SGCZ: variants seen among roughly 807,000 people sequenced by gnomAD.
SGCZ encodes sarcoglycan zeta, also known as zeta-sarcoglycan.
A neutral mutation model predicts 41.3 loss-of-function variants in SGCZ; 40 were observed. The ratio of observed to expected loss-of-function variants is 0.97; its 90% confidence interval spans 0.75 to 1.26. The LOEUF is 1.26. SGCZ is among the 50% of genes most tolerant of loss of function. The pLI, the probability that SGCZ is intolerant of heterozygous loss-of-function variation, is 0.00. For missense variants in SGCZ, 552 were observed against 369.8 expected, an observed-to-expected ratio of 1.49 and a Z score of -4.04; for synonymous variants, 206 against 137.5, an observed-to-expected ratio of 1.50 and a Z score of -3.49.
chr8:14,545,159 G>A (rs1803586337), intron 2 of SGCZ, among the ~76,000 whole-genome samples: 1 of 151,768 alleles, frequency 6.6e-6, no homozygotes, highest in Admixed American at 6.6e-5. Context: ...AAATATTGGG[G>A]GCATGTCCCC....
chr8:14,688,412 T>C (rs543841042), intron 1 of SGCZ, among the ~76,000 whole-genome samples: 14 of 152,300 alleles, frequency 9.2e-5, no homozygotes, highest in African/African-American at 3.1e-4. Context: ...TTTCTACCTA[T>C]GGCTAGCCAG....
chr8:14,908,349 G>C (rs866519948), intron 1 of SGCZ, among the ~76,000 whole-genome samples: 31 of 152,168 alleles, frequency 2.0e-4, no homozygotes, highest in African/African-American at 7.0e-4. Context: ...AGTGGCCATT[G>C]TATAGCAGAC....
intron 1 of SGCZ, among the ~76,000 whole-genome samples, chr8:15,135,778 G>A (rs549917383): frequency 1.3e-5 from 2 of 152,212 alleles, no homozygotes; most frequent in East Asian, 3.9e-4. Context: ...ATTCGAGGGT[G>A]AGCTGGTGGG....
intron 1 of SGCZ, among the ~76,000 whole-genome samples, chr8:15,151,692 C>T (rs1799184136): frequency 6.6e-6 from 1 of 152,160 alleles, no homozygotes; most frequent in South Asian, 2.1e-4. Flanking sequence ...TATATAATGA[C>T]ACAGTTAATA....
At chr8:14,794,614 T>A (rs1384009511) in intron 1 of SGCZ, among the ~76,000 whole-genome samples, 1 of 152,120 alleles carries the variant, frequency 6.6e-6, no homozygotes. Flanking sequence ...AGAAAGAAGT[T>A]AGAAAATAAA....
At chr8:14,901,824 C>T (rs188661771) in intron 1 of SGCZ, among the ~76,000 whole-genome samples, 3 of 152,170 alleles carry the variant, frequency 2.0e-5, no homozygotes, top group East Asian at 1.9e-4. Context: ...GGAAATGTCA[C>T]GCTAATGTAA....
intron 2 of SGCZ, among the ~76,000 whole-genome samples, chr8:14,515,956 G>C (rs1802607857): frequency 6.6e-6 from 1 of 151,870 alleles, no homozygotes; most frequent in Non-Finnish European, 1.5e-5. Context: ...GCAATACCTT[G>C]TTGGAAATAA....
intron 2 of SGCZ, among the ~76,000 whole-genome samples, chr8:14,368,737 T>C (rs1326407760): frequency 6.6e-6 from 1 of 152,036 alleles, no homozygotes; most frequent in Non-Finnish European, 1.5e-5. Flanking sequence ...TTTGTTTCTG[T>C]CTTCTGAGCA....
intron 1 of SGCZ, among the ~76,000 whole-genome samples, chr8:14,597,212 G>A (rs1033062748): frequency 2.0e-5 from 3 of 152,278 alleles, no homozygotes; most frequent in Non-Finnish European, 4.4e-5. Context: ...TGAAGCAGCT[G>A]CTAGTTTATT....
chr8:14,479,756 T>G (rs1217384623), intron 2 of SGCZ, among the ~76,000 whole-genome samples: 1 of 88,968 alleles, frequency 1.1e-5, no homozygotes, highest in East Asian at 2.9e-4. Flanking sequence ...TTTTTTTTTT[T>G]TTTTTATTTG....
chr8:14,187,843 G>A (rs1278789084), intron 4 of SGCZ, among the ~76,000 whole-genome samples: 1 of 151,948 alleles, frequency 6.6e-6, no homozygotes, highest in African/African-American at 2.4e-5. Context: ...AAAACTCAGA[G>A]AAATTCAAAT....
At chr8:14,525,169 TAGA>T (rs1481167551) in intron 2 of SGCZ, among the ~76,000 whole-genome samples, 2 of 112,390 alleles carry the variant, frequency 1.8e-5, no homozygotes, top group Non-Finnish European at 3.3e-5. Context: ...GATAGATAGA[TAGA>T]TAGATAGATA....
At chr8:14,983,183 T>C (rs1801724688) in intron 1 of SGCZ, among the ~76,000 whole-genome samples, 1 of 67,802 alleles carries the variant, frequency 1.5e-5, no homozygotes, top group East Asian at 5.8e-4. Context: ...CCTTTTTTTT[T>C]TCTTTTTTCT....
chr8:14,125,712 T>C (rs1802833329), intron 5 of SGCZ, among the ~76,000 whole-genome samples: 1 of 152,100 alleles, frequency 6.6e-6, no homozygotes. Flanking sequence ...GGCATCACAC[T>C]ACCTGATTCC....
intron 3 of SGCZ, among the ~76,000 whole-genome samples, chr8:14,323,004 T>C (rs1801978327): frequency 6.6e-6 from 1 of 152,170 alleles, no homozygotes; most frequent in Non-Finnish European, 1.5e-5. Context: ...TTCATACATC[T>C]GTCTACTGTG....
intron 1 of SGCZ, among the ~76,000 whole-genome samples, chr8:14,779,521 G>C (rs189584981): frequency 6.6e-6 from 1 of 152,246 alleles, no homozygotes; most frequent in East Asian, 1.9e-4. Flanking sequence ...CCAAATTTTT[G>C]ATCTACAAAA....
At chr8:14,986,807 A>G (rs1801839084) in intron 1 of SGCZ, among the ~76,000 whole-genome samples, 1 of 151,980 alleles carries the variant, frequency 6.6e-6, no homozygotes, top group Non-Finnish European at 1.5e-5. Context: ...TTTAATAATA[A>G]AAGTTTGTTA....
At chr8:14,694,724 A>G (rs940896845) in intron 1 of SGCZ, among the ~76,000 whole-genome samples, 6 of 152,214 alleles carry the variant, frequency 3.9e-5, no homozygotes, top group South Asian at 4.1e-4. Flanking sequence ...AATATACAGA[A>G]TTATGGTTAC....
chr8:14,527,373 C>T (rs1468819271), intron 2 of SGCZ, among the ~76,000 whole-genome samples: 2 of 152,152 alleles, frequency 1.3e-5, no homozygotes, highest in East Asian at 3.9e-4. Flanking sequence ...GCGATTATGG[C>T]TCACTGCAAC....
Sources: allele counts gnomAD v4.1 joint callset (sites outside exome capture counted in the v4.1 genomes callset), GRCh38; gene constraint gnomAD v4.1.1; transcripts MANE v1.5; gene names NCBI Gene and HGNC (gene_info 2026-07-23, HGNC 2026-07-21).